Variants in GPM6A observed in about 807,000 individuals in gnomAD.
GPM6A encodes the protein neuronal membrane glycoprotein M6-a.
GPM6A carries 7 observed loss-of-function variants against 32.1 expected under a neutral mutation model. The ratio of observed to expected loss-of-function variants is 0.22; its 90% CI spans 0.12 to 0.41. The LOEUF (loss-of-function observed/expected upper bound fraction) is 0.41. Ranked by LOEUF, GPM6A falls within the 10% of genes least tolerant of loss-of-function variation. The pLI is 1.00. For missense variants in GPM6A, 235 were observed against 347.2 expected, an observed-to-expected ratio of 0.68 and a Z score of 2.57; for synonymous variants, 130 against 123.4, an observed-to-expected ratio of 1.05 and a Z score of -0.35.
Position 175,912,709 on chromosome 4 carries a change from A to G in GPM6A, c.-23+89600T>C, listed in dbSNP as rs114137647. 3.7e-3 allele frequency among the ~76,000 whole-genome samples: 570 copies of G among 152,242 alleles called. 2 individuals carry two copies. The highest frequency in any genetic ancestry group is 0.013 in the African/African-American group (552 of 41,560). On this transcript the variant is annotated intron_variant, in intron 1 of 7. Transcript: ENST00000280187. ...GTGTCAGTACCAGTTTGATTTCAAA[A>G]GACCATATTGTCTACCTGGAAATTC...
At chr4:175,777,744 C>A (rs1195158922) in intron 1 of GPM6A, among the ~76,000 whole-genome samples, 1 of 151,990 alleles carries the variant, frequency 6.6e-6, no homozygotes, top group African/African-American at 2.4e-5. Flanking sequence ...AATTTTCAAA[C>A]TTCTCTTCAA....
chr4:175,931,671 T>TAC (rs376901123), intron 1 of GPM6A, among the ~76,000 whole-genome samples: 68 of 136,578 alleles, frequency 5.0e-4, no homozygotes, highest in African/African-American at 1.8e-3. Flanking sequence ...TTAAAAAATA[T>TAC]ACACACACAC....
intron 1 of GPM6A, among the ~76,000 whole-genome samples, chr4:175,984,410 A>G (rs966043428): frequency 2.6e-5 from 4 of 152,090 alleles, no homozygotes; most frequent in East Asian, 1.9e-4. Flanking sequence ...TGATCTACCC[A>G]CCTTGGCCTC....
At chr4:175,973,475 T>C (rs188428387) in intron 1 of GPM6A, among the ~76,000 whole-genome samples, 1 of 152,322 alleles carries the variant, frequency 6.6e-6, no homozygotes, top group East Asian at 1.9e-4. Context: ...ACATGCAAAG[T>C]GAGGTACTTA....
At chr4:175,779,806 G>A (rs1054887939) in intron 1 of GPM6A, among the ~76,000 whole-genome samples, 1 of 152,106 alleles carries the variant, frequency 6.6e-6, no homozygotes, top group African/African-American at 2.4e-5. Context: ...CATATATCCT[G>A]AGTAAGGAAA....
At chr4:175,673,594 CT>C in intron 3 of GPM6A, 85 bp downstream of exon 3, 2 of 918,174 alleles carry the variant, frequency 2.2e-6, no homozygotes, top group Non-Finnish European at 3.2e-6. Flanking sequence ...AAAAAAAATA[CT>C]TTAATTCTTG....
intron 1 of GPM6A, among the ~76,000 whole-genome samples, chr4:175,946,610 G>T (rs927519509): frequency 1.3e-5 from 2 of 152,164 alleles, no homozygotes; most frequent in Non-Finnish European, 2.9e-5. Flanking sequence ...AGAAGCCAGC[G>T]ATGTGAGGCA....
chr4:175,856,426 G>C (rs539701325), intron 1 of GPM6A, among the ~76,000 whole-genome samples: 67 of 152,300 alleles, frequency 4.4e-4, no homozygotes, highest in African/African-American at 1.4e-3. Context: ...CAGCAGGAAA[G>C]AACCCCATAC....
chr4:175,886,577 T>C (rs1737464082), intron 1 of GPM6A, among the ~76,000 whole-genome samples: 1 of 152,054 alleles, frequency 6.6e-6, no homozygotes, highest in Non-Finnish European at 1.5e-5. Flanking sequence ...AAATTAAGAC[T>C]GCGTCACATC....
At chr4:175,846,829 C>A (rs749653080) in intron 1 of GPM6A, among the ~76,000 whole-genome samples, 26 of 152,008 alleles carry the variant, frequency 1.7e-4, no homozygotes, top group South Asian at 4.1e-4. Flanking sequence ...CTTGCTCCTG[C>A]TTATTCAGTC....
intron 2 of GPM6A, among the ~76,000 whole-genome samples, chr4:175,688,107 G>T (rs1440024655): frequency 6.6e-6 from 1 of 152,078 alleles, no homozygotes; most frequent in Non-Finnish European, 1.5e-5. Flanking sequence ...TTCCTTACCA[G>T]ATAAACAGTT....
chr4:175,945,885 T>A (rs1174654525), intron 1 of GPM6A, among the ~76,000 whole-genome samples: 1 of 147,282 alleles, frequency 6.8e-6, no homozygotes, highest in African/African-American at 2.5e-5. Context: ...GTAATACGGG[T>A]GCATATTACG....
chr4:175,839,939 A>G (rs1735885607), intron 1 of GPM6A, among the ~76,000 whole-genome samples: 1 of 152,214 alleles, frequency 6.6e-6, no homozygotes, highest in Non-Finnish European at 1.5e-5. Flanking sequence ...TTAAAATTGA[A>G]AATTATAATT....
chr4:175,964,644 C>T (rs1391682406), intron 1 of GPM6A, among the ~76,000 whole-genome samples: 2 of 152,102 alleles, frequency 1.3e-5, no homozygotes, highest in Non-Finnish European at 2.9e-5. Context: ...TGGATTAGGG[C>T]CACCCTAATG....
intron 1 of GPM6A, among the ~76,000 whole-genome samples, chr4:175,968,217 A>G (rs570943878): frequency 3.5e-4 from 53 of 152,294 alleles, no homozygotes; most frequent in African/African-American, 1.3e-3. Context: ...GTAGACATCC[A>G]TAGGCAAAAA....
At chr4:175,983,190 T>C (rs1168785954) in intron 1 of GPM6A, among the ~76,000 whole-genome samples, 1 of 152,092 alleles carries the variant, frequency 6.6e-6, no homozygotes, top group Non-Finnish European at 1.5e-5. Context: ...TATAATCAGA[T>C]TTTAAAGGAC....
intron 1 of GPM6A, among the ~76,000 whole-genome samples, chr4:175,959,113 A>G (rs1392369086): frequency 6.6e-6 from 1 of 152,202 alleles, no homozygotes; most frequent in Admixed American, 6.5e-5. Flanking sequence ...TACAAAATCA[A>G]TTCAAGAAAT....
intron 1 of GPM6A, among the ~76,000 whole-genome samples, chr4:175,866,488 C>A (rs1308947964): frequency 2.6e-5 from 4 of 152,160 alleles, no homozygotes; most frequent in African/African-American, 9.7e-5. Flanking sequence ...CTGCCTTTTC[C>A]AGAATGTCAT....
intron 1 of GPM6A, among the ~76,000 whole-genome samples, chr4:175,909,041 G>GT (rs1560989199): frequency 1.1e-3 from 52 of 48,312 alleles, no homozygotes; most frequent in Admixed American, 2.6e-3. Flanking sequence ...AAAAAAAAGG[G>GT]CGGGGGGGGG....
Sources: allele counts gnomAD v4.1 joint callset (sites outside exome capture counted in the v4.1 genomes callset), GRCh38; gene constraint gnomAD v4.1.1; transcripts MANE v1.5; gene names NCBI Gene and HGNC (gene_info 2026-07-23, HGNC 2026-07-21).